Variants in FHIT observed in about 807,000 individuals in gnomAD.
FHIT encodes the protein fragile histidine triad diadenosine triphosphatase.
A neutral mutation model predicts 17.9 loss-of-function variants in FHIT; 19 were observed. The observed-to-expected ratio is 1.06, with a 90% confidence interval of 0.74 to 1.56. FHIT has a LOEUF of 1.56. FHIT is among the 40% of genes most tolerant of loss of function. FHIT has a pLI of 0.00. For synonymous variants in FHIT, 81 were observed against 69.7 expected (o/e 1.16, Z -0.81); for missense variants, 248 against 189.2 (o/e 1.31, Z -1.82).
intron 4 of FHIT, among the ~76,000 whole-genome samples, chr3:60,772,705 G>T (rs1354443288): frequency 6.6e-6 from 1 of 152,110 alleles, no homozygotes; most frequent in Non-Finnish European, 1.5e-5. Flanking sequence ...ATGAACAATT[G>T]CCAGCCATTA....
At chr3:60,427,784 T>C (rs187771631) in intron 5 of FHIT, among the ~76,000 whole-genome samples, 25 of 152,264 alleles carry the variant, frequency 1.6e-4, no homozygotes, top group African/African-American at 5.8e-4. Context: ...TGCTGGTCAA[T>C]TCCATGTGGG....
chr3:60,305,239 A>G (rs1349178492), intron 5 of FHIT, among the ~76,000 whole-genome samples: 2 of 152,078 alleles, frequency 1.3e-5, no homozygotes, highest in Admixed American at 6.6e-5. Context: ...TGCTCTCCCA[A>G]TGTATCCTGA....
chr3:60,265,422 G>A (rs907370414), intron 5 of FHIT, among the ~76,000 whole-genome samples: 8 of 151,920 alleles, frequency 5.3e-5, no homozygotes, highest in East Asian at 3.9e-4. Context: ...AAATTAACTC[G>A]AAATAGATCA....
chr3:60,575,174 G>A (rs887349255), intron 4 of FHIT, among the ~76,000 whole-genome samples: 5 of 152,296 alleles, frequency 3.3e-5, no homozygotes, highest in Middle Eastern at 3.4e-3. Context: ...AAAAGAAAGC[G>A]ACTGTTGGAC....
chr3:61,016,723 A>G (rs2032128801), intron 3 of FHIT, among the ~76,000 whole-genome samples: 1 of 152,252 alleles, frequency 6.6e-6, no homozygotes, highest in African/African-American at 2.4e-5. Flanking sequence ...GCAACCATCA[A>G]GCATAAATTT....
intron 5 of FHIT, among the ~76,000 whole-genome samples, chr3:60,453,502 G>T (rs978531093): frequency 6.6e-6 from 1 of 152,140 alleles, no homozygotes; most frequent in African/African-American, 2.4e-5. Context: ...GGAAGTCAAG[G>T]GAGATGACTG....
intron 3 of FHIT, among the ~76,000 whole-genome samples, chr3:61,017,014 T>C (rs57821336): frequency 0.26 from 37,777 of 147,764 alleles, 5,308 homozygotes; most frequent in African/African-American, 0.4. Flanking sequence ...AGGCTGGGCC[T>C]GGTGGCTCAC....
At chr3:60,432,484 G>C (rs1336683844) in intron 5 of FHIT, among the ~76,000 whole-genome samples, 3 of 152,076 alleles carry the variant, frequency 2.0e-5, no homozygotes, top group African/African-American at 7.2e-5. Context: ...AGTGTATAGT[G>C]AAACCGTGGT....
chr3:60,592,216 A>C (rs955587997), intron 4 of FHIT, among the ~76,000 whole-genome samples: 53 of 145,040 alleles, frequency 3.7e-4, no homozygotes, highest in South Asian at 2.4e-3. Context: ...TGTAACCTCT[A>C]TATATATATA....
intron 4 of FHIT, among the ~76,000 whole-genome samples, chr3:60,744,246 T>TAAAAACA (rs1553714664): frequency 3.6e-4 from 11 of 30,912 alleles, no homozygotes; most frequent in Non-Finnish European, 4.8e-4. Flanking sequence ...GGAAGTAATG[T>TAAAAACA]AAAAAAAAAA....
intron 2 of FHIT, among the ~76,000 whole-genome samples, chr3:61,062,682 T>C (rs1033784911): frequency 6.6e-6 from 1 of 152,124 alleles, no homozygotes; most frequent in African/African-American, 2.4e-5. Flanking sequence ...CCCAGATGAA[T>C]AGAAATGAGC....
intron 4 of FHIT, among the ~76,000 whole-genome samples, chr3:60,552,806 T>C (rs1221957246): frequency 6.6e-6 from 1 of 152,222 alleles, no homozygotes; most frequent in East Asian, 1.9e-4. Context: ...TTAAGGAAGA[T>C]ACAGTCTTAT....
At chr3:59,757,337 T>C (rs1006355598) in intron 8 of FHIT, among the ~76,000 whole-genome samples, 4 of 152,224 alleles carry the variant, frequency 2.6e-5, no homozygotes, top group Non-Finnish European at 5.9e-5. Flanking sequence ...AAAAAATCTA[T>C]CTTCAGTCAT....
intron 5 of FHIT, among the ~76,000 whole-genome samples, chr3:60,143,220 T>C (rs1465718904): frequency 2.0e-5 from 3 of 152,140 alleles, no homozygotes; most frequent in East Asian, 1.9e-4. Flanking sequence ...CCAAACTCAA[T>C]TTCTTAGCCC....
At chr3:59,990,263 A>G (rs996970444) in intron 7 of FHIT, among the ~76,000 whole-genome samples, 10 of 152,056 alleles carry the variant, frequency 6.6e-5, no homozygotes, top group African/African-American at 2.2e-4. Flanking sequence ...ACAGGGCACT[A>G]TTTGGCATGA....
At chr3:60,481,416 A>C (rs969463058) in intron 5 of FHIT, among the ~76,000 whole-genome samples, 1 of 152,180 alleles carries the variant, frequency 6.6e-6, no homozygotes, top group Non-Finnish European at 1.5e-5. Flanking sequence ...TGTTAAGGGC[A>C]GCCAGAGAGA....
At chr3:60,357,226 G>C (rs965117197) in intron 5 of FHIT, among the ~76,000 whole-genome samples, 27 of 151,984 alleles carry the variant, frequency 1.8e-4, no homozygotes, top group African/African-American at 6.3e-4. Context: ...GTTTGTTTCT[G>C]AGATGGAGTT....
At chr3:60,238,974 A>G (rs6776604) in intron 5 of FHIT, among the ~76,000 whole-genome samples, 2,485 of 152,300 alleles carry the variant, frequency 0.016, 64 homozygotes, top group African/African-American at 0.056. Flanking sequence ...AAGGAGTTCC[A>G]TAGATAATTG....
chr3:61,224,831 A>G (rs779726885), intron 1 of FHIT, among the ~76,000 whole-genome samples: 3 of 152,256 alleles, frequency 2.0e-5, no homozygotes, highest in Non-Finnish European at 4.4e-5. Flanking sequence ...CAGCATGTAC[A>G]TATATACATA....
Sources: allele counts gnomAD v4.1 joint callset (sites outside exome capture counted in the v4.1 genomes callset), GRCh38; gene constraint gnomAD v4.1.1; transcripts MANE v1.5; gene names NCBI Gene and HGNC (gene_info 2026-07-23, HGNC 2026-07-21).